ASIC2: variants seen among roughly 807,000 people sequenced by gnomAD.
ASIC2 encodes acid-sensing ion channel 2.
In ASIC2, 25 loss-of-function variants were observed where a neutral mutation model predicts 57.3. That is an observed-to-expected ratio of 0.44 (90% CI 0.32 to 0.61). The LOEUF is 0.61. Ranked by LOEUF, ASIC2 falls within the 20% of genes least tolerant of loss-of-function variation. The probability of loss-of-function intolerance (pLI) is 0.06; values close to 1 mark genes in which losing one functional copy is unlikely to be tolerated. For synonymous variants in ASIC2, 319 were observed against 307.5 expected (o/e 1.04, Z -0.39); for missense variants, 641 against 738.1 (o/e 0.87, Z 1.52).
chr17:33,734,343 G>T (rs1909846200), intron 1 of ASIC2, among the ~76,000 whole-genome samples: 1 of 152,042 alleles, frequency 6.6e-6, no homozygotes, highest in Non-Finnish European at 1.5e-5. Flanking sequence ...GGGCTCCCAC[G>T]TGAGGTCGAA....
At chr17:33,763,381 C>A (rs1460688408) in intron 1 of ASIC2, among the ~76,000 whole-genome samples, 1 of 152,210 alleles carries the variant, frequency 6.6e-6, no homozygotes, top group African/African-American at 2.4e-5. Context: ...GGGATGCTAG[C>A]TCCCATCTCT....
rs766642429 is a variant in ASIC2 at position 34,066,785 on chromosome 17, T to C, written c.555+89193A>G. Reference sequence around the variant, plus strand: ...GGCCAAAGTGGACTGCTTTGGGTGGTTGGGCATGGAGATGTGAGTCACTGG... The same window carrying C: ...GGCCAAAGTGGACTGCTTTGGGTGGCTGGGCATGGAGATGTGAGTCACTGG... On this transcript the variant is annotated intron_variant, in intron 1 of 9. Coordinates refer to the ASIC2 transcript ENST00000359872. 5.4e-4 allele frequency among the ~76,000 whole-genome samples: 82 copies of C among 152,136 alleles called. 1 individual carries two copies. The highest frequency in any genetic ancestry group is 6.5e-4 in the Non-Finnish European group (44 of 68,020).
At chr17:33,150,137 C>T (rs1165895019) in intron 1 of ASIC2, among the ~76,000 whole-genome samples, 1 of 152,194 alleles carries the variant, frequency 6.6e-6, no homozygotes, top group East Asian at 1.9e-4. Flanking sequence ...CTTCAGATTG[C>T]CATTTTGTTT....
chr17:33,329,373 C>T (rs1231650994), intron 1 of ASIC2, among the ~76,000 whole-genome samples: 1 of 152,164 alleles, frequency 6.6e-6, no homozygotes, highest in Non-Finnish European at 1.5e-5. Flanking sequence ...CTGGGAAGTT[C>T]ATGACCTATA....
chr17:34,069,593 A>G (rs558095551), intron 1 of ASIC2: 2 of 152,344 alleles, frequency 1.3e-5, no homozygotes, highest in South Asian at 4.1e-4. Flanking sequence ...GAGTGAAGAC[A>G]AGGGAGTCCC....
intron 1 of ASIC2, among the ~76,000 whole-genome samples, chr17:33,529,044 A>G (rs1914971339): frequency 6.6e-6 from 1 of 152,186 alleles, no homozygotes; most frequent in African/African-American, 2.4e-5. Flanking sequence ...ACAGTTCAGG[A>G]GGAAAGAATA....
At chr17:33,168,568 A>G (rs319777) in intron 1 of ASIC2, among the ~76,000 whole-genome samples, 13,064 of 152,298 alleles carry the variant, frequency 0.086, 710 homozygotes, top group Non-Finnish European at 0.12. Context: ...AAACTGGAGG[A>G]AAGACCAATC....
chr17:34,042,222 A>G (rs1158438935), intron 1 of ASIC2, among the ~76,000 whole-genome samples: 3 of 152,184 alleles, frequency 2.0e-5, no homozygotes, highest in East Asian at 3.9e-4. Flanking sequence ...TTCACCTCAC[A>G]TATTTACCTA....
intron 1 of ASIC2, among the ~76,000 whole-genome samples, chr17:33,573,871 G>A (rs1916534178): frequency 6.6e-6 from 1 of 152,198 alleles, no homozygotes; most frequent in South Asian, 2.1e-4. Context: ...CAGCCTGCCT[G>A]CTTTAAATCT....
chr17:33,637,779 G>A (rs866220291), intron 1 of ASIC2, among the ~76,000 whole-genome samples: 7 of 152,348 alleles, frequency 4.6e-5, no homozygotes, highest in Middle Eastern at 3.4e-3. Context: ...AGTTCACTGA[G>A]CCCGTGGTAT....
At position 34,080,343 on chromosome 17, in the gene ASIC2, T is replaced by C. The variant is rs1041774033; in HGVS notation, c.555+75635A>G. Among the ~76,000 whole-genome samples, 4 of 152,286 alleles carry C rather than the reference T, an allele frequency of 2.6e-5. No individual in the cohort carries two copies. In the South Asian group the frequency reaches 8.3e-4, roughly 32 times the overall value. On this transcript the variant is annotated intron_variant, in intron 1 of 9. Coordinates refer to the ASIC2 transcript ENST00000359872. ...CCATTTCCCCATGATCTCTCAGCTA[T>C]ACATGAACTCAGCCCAGCTTCCCTG...
intron 1 of ASIC2, among the ~76,000 whole-genome samples, chr17:33,400,681 C>T (rs986702133): frequency 1.3e-5 from 2 of 152,094 alleles, no homozygotes; most frequent in Non-Finnish European, 2.9e-5. Flanking sequence ...CATTTATTAC[C>T]ATTTGATTCC....
At chr17:33,298,412 A>G (rs1905812128) in intron 1 of ASIC2, among the ~76,000 whole-genome samples, 1 of 152,148 alleles carries the variant, frequency 6.6e-6, no homozygotes, top group African/African-American at 2.4e-5. Context: ...CCATGTCCCT[A>G]CAAAGGACAC....
chr17:33,551,848 A>G (rs887407553), intron 1 of ASIC2, among the ~76,000 whole-genome samples: 6 of 152,234 alleles, frequency 3.9e-5, no homozygotes, highest in Non-Finnish European at 7.4e-5. Flanking sequence ...AACCTCAGCC[A>G]TTGTTCTCCT....
intron 1 of ASIC2, among the ~76,000 whole-genome samples, chr17:33,850,175 T>C (rs317400): frequency 2.6e-5 from 4 of 152,002 alleles, no homozygotes; most frequent in Non-Finnish European, 5.9e-5. Flanking sequence ...GGGATCAGTT[T>C]TGAGGCCAAG....
intron 1 of ASIC2, among the ~76,000 whole-genome samples, chr17:34,031,961 T>G (rs1340096116): frequency 1.3e-5 from 2 of 152,070 alleles, no homozygotes; most frequent in African/African-American, 4.8e-5. Context: ...CAGGAGAACT[T>G]CCCCAATCTA....
chr17:33,434,477 A>G (rs1020758326), intron 1 of ASIC2, among the ~76,000 whole-genome samples: 4 of 152,252 alleles, frequency 2.6e-5, no homozygotes, highest in African/African-American at 9.6e-5. Flanking sequence ...GAAATAGCTT[A>G]TAAAGGAAAG....
At chr17:33,691,262 C>T (rs1908359632) in intron 1 of ASIC2, among the ~76,000 whole-genome samples, 1 of 152,108 alleles carries the variant, frequency 6.6e-6, no homozygotes, top group African/African-American at 2.4e-5. Flanking sequence ...CTGGTTAAAA[C>T]AGCATGTGCA....
At chr17:34,049,294 AAAACAAAC>A (rs746179493) in intron 1 of ASIC2, among the ~76,000 whole-genome samples, 3 of 152,180 alleles carry the variant, frequency 2.0e-5, no homozygotes, top group East Asian at 1.9e-4. Flanking sequence ...ACCCTGTCTC[AAAACAAAC>A]AAACAAACAA....
Sources: gnomAD v4.1 joint callset for allele counts (sites outside exome capture counted in the v4.1 genomes callset) on GRCh38, gnomAD v4.1.1 for gene constraint, MANE v1.5 for transcripts, NCBI Gene and HGNC (gene_info 2026-07-23, HGNC 2026-07-21) for gene names.